The following SRPK2 variants were observed in gnomAD, a reference collection of about 807,000 sequenced individuals.
SRPK2 encodes the protein SFRS protein kinase 2.
In SRPK2, 21 loss-of-function variants were observed where a neutral mutation model predicts 90.8. That is an observed-to-expected ratio of 0.23 (90% CI 0.16 to 0.33). SRPK2 has a LOEUF of 0.33. Among genes scored for constraint, SRPK2 ranks in the 10% least tolerant of loss-of-function variants. The pLI, the probability that SRPK2 is intolerant of heterozygous loss-of-function variation, is 1.00. For missense variants in SRPK2, 620 were observed against 869.0 expected (o/e 0.71, Z 3.60); for synonymous variants, 288 against 311.1 (o/e 0.93, Z 0.78).
intron 2 of SRPK2, among the ~76,000 whole-genome samples, chr7:105,342,328 T>TTAATAA (rs1262534509): frequency 6.7e-6 from 1 of 148,216 alleles, no homozygotes; most frequent in African/African-American, 2.5e-5. Flanking sequence ...CCGTCTCAAA[T>TTAATAA]TAATAATAAT....
At chr7:105,159,085 A>G (rs1807019370) in intron 7 of SRPK2, among the ~76,000 whole-genome samples, 1 of 152,148 alleles carries the variant, frequency 6.6e-6, no homozygotes, top group African/African-American at 2.4e-5. Flanking sequence ...ATAATACTAC[A>G]TAGAAACACC....
chr7:105,161,448 C>T (rs1807644705), intron 6 of SRPK2, among the ~76,000 whole-genome samples: 1 of 152,156 alleles, frequency 6.6e-6, no homozygotes, highest in African/African-American at 2.4e-5. Flanking sequence ...CACGTGTACT[C>T]CAAACAACCT....
intron 9 of SRPK2, 55 bp downstream of exon 9, chr7:105,145,228 A>C: frequency 7.2e-7 from 1 of 1,397,596 alleles, no homozygotes. Context: ...ACAACTCAAT[A>C]ATAAACGGTC....
intron 2 of SRPK2, among the ~76,000 whole-genome samples, chr7:105,354,420 T>C (rs200071968): frequency 6.6e-6 from 1 of 152,146 alleles, no homozygotes; most frequent in Non-Finnish European, 1.5e-5. Flanking sequence ...CCCTAACGAA[T>C]CACTCCAGGT....
chr7:105,129,705 C>T (rs527389054), intron 13 of SRPK2, among the ~76,000 whole-genome samples: 2 of 152,218 alleles, frequency 1.3e-5, no homozygotes, highest in Admixed American at 6.5e-5. Context: ...ATTTTTAATA[C>T]CTGGGAACTC....
At chr7:105,372,078 T>G (rs1379108644) in intron 2 of SRPK2, among the ~76,000 whole-genome samples, 1 of 137,720 alleles carries the variant, frequency 7.3e-6, no homozygotes, top group Non-Finnish European at 1.5e-5. Flanking sequence ...GAGGCCGCAG[T>G]GAGCCGAGAT....
At chr7:105,360,272 G>C (rs1170296261) in intron 2 of SRPK2, among the ~76,000 whole-genome samples, 1 of 152,108 alleles carries the variant, frequency 6.6e-6, no homozygotes, top group Non-Finnish European at 1.5e-5. Context: ...GACTATGTGT[G>C]TCTCTGAAGG....
chr7:105,335,558 G>A (rs1300773786), intron 2 of SRPK2, among the ~76,000 whole-genome samples: 1 of 151,656 alleles, frequency 6.6e-6, no homozygotes, highest in Non-Finnish European at 1.5e-5. Flanking sequence ...TGGAGATGCT[G>A]AGGTGGGAGG....
chr7:105,221,225 C>T (rs908496248), intron 2 of SRPK2, among the ~76,000 whole-genome samples: 2 of 152,152 alleles, frequency 1.3e-5, no homozygotes, highest in Non-Finnish European at 2.9e-5. Flanking sequence ...TGCCATTATA[C>T]GCTTGTCTTT....
At chr7:105,186,399 ATG>A (rs1793584743) in intron 3 of SRPK2, among the ~76,000 whole-genome samples, 1 of 152,150 alleles carries the variant, frequency 6.6e-6, no homozygotes, top group South Asian at 2.1e-4. Flanking sequence ...CTTTAAGTCC[ATG>A]TGTGCCCATT....
chr7:105,248,435 T>TAAAAAAAAAAA (rs749982663), intron 2 of SRPK2, among the ~76,000 whole-genome samples: 2 of 109,586 alleles, frequency 1.8e-5, no homozygotes, highest in African/African-American at 3.4e-5. Flanking sequence ...TACAAAAAAT[T>TAAAAAAAAAAA]TAAAAAAAAA....
chr7:105,200,708 A>G (rs1415333108), intron 3 of SRPK2, among the ~76,000 whole-genome samples: 1 of 152,248 alleles, frequency 6.6e-6, no homozygotes, highest in Non-Finnish European at 1.5e-5. Flanking sequence ...CAAAAAGACA[A>G]CATCACTACT....
chr7:105,355,434 C>T (rs544821994), intron 2 of SRPK2, among the ~76,000 whole-genome samples: 9 of 152,134 alleles, frequency 5.9e-5, no homozygotes, highest in African/African-American at 2.2e-4. Flanking sequence ...CATTTAAGCT[C>T]AGGAGTTTGA....
chr7:105,217,390 G>C (rs1797602538), intron 2 of SRPK2, among the ~76,000 whole-genome samples: 1 of 152,234 alleles, frequency 6.6e-6, no homozygotes, highest in African/African-American at 2.4e-5. Flanking sequence ...CAGTGGTGCT[G>C]AGACTAGCAC....
At position 105,118,006 on chromosome 7, in the gene SRPK2, G is replaced by A. The variant is rs753951931; in HGVS notation, c.1932C>T (p.Ile644=). ...AGAGGCTCCAGGGCTTCAGCTTGGT[G>A]ATGTGTCGCAGTTCTCCTACAGGGG... ...FFNRRGELRH[I]TKLKPWSLFD... The change falls in exon 16 of 16, where the codon ATC becomes ATT. Residue 644 remains isoleucine, a synonymous_variant. Coordinates refer to ENST00000393651, the MANE Select transcript of SRPK2 (RefSeq NM_182692.3). 1.2e-6 allele frequency: 2 copies of A among 1,614,126 alleles called. No homozygotes were observed. Among genetic ancestry groups the A allele is most frequent in the Non-Finnish European group, 1.7e-6 (2 of 1,179,992 alleles).
chr7:105,143,912 C>G (rs1804164372), intron 9 of SRPK2: 1 of 152,574 alleles, frequency 6.6e-6, no homozygotes, highest in East Asian at 1.9e-4. Flanking sequence ...CAGCCTCCAA[C>G]CTTTCAATCA....
chr7:105,144,896 T>A (rs1231681707), intron 9 of SRPK2, among the ~76,000 whole-genome samples: 2 of 152,040 alleles, frequency 1.3e-5, no homozygotes, highest in African/African-American at 2.4e-5. Flanking sequence ...AACTTGAGGT[T>A]AAGAGTTCGA....
intron 3 of SRPK2, among the ~76,000 whole-genome samples, chr7:105,196,449 G>T (rs11487083): frequency 0.029 from 4,481 of 152,220 alleles, 219 homozygotes; most frequent in African/African-American, 0.1. Flanking sequence ...TTTTCCATCT[G>T]GGCACTGCTG....
At chr7:105,363,199 AAAAT>A (rs745416288) in intron 2 of SRPK2, among the ~76,000 whole-genome samples, 4 of 151,928 alleles carry the variant, frequency 2.6e-5, no homozygotes, top group African/African-American at 4.8e-5. Context: ...AAAATAAATA[AAAAT>A]AAATAAAAAA....
Sources: gnomAD v4.1 joint callset for allele counts (sites outside exome capture counted in the v4.1 genomes callset) on GRCh38, gnomAD v4.1.1 for gene constraint, MANE v1.5 for transcripts, NCBI Gene and HGNC (gene_info 2026-07-23, HGNC 2026-07-21) for gene names.